The following NEDD4 variants were observed in gnomAD, a reference collection of about 807,000 sequenced individuals.
NEDD4 encodes the protein NEDD4 E3 ubiquitin protein ligase.
In NEDD4, 99 loss-of-function variants were observed where a neutral mutation model predicts 144.9. The ratio of observed to expected loss-of-function variants is 0.68; its 90% CI spans 0.58 to 0.81. The LOEUF (loss-of-function observed/expected upper bound fraction) is 0.81, where lower values mean the gene tolerates loss of function less well. Ranked by LOEUF, NEDD4 falls within the 30% of genes least tolerant of loss-of-function variation. NEDD4 has a pLI of 0.00. For synonymous variants in NEDD4, 318 were observed against 350.6 expected, an observed-to-expected ratio of 0.91 and a Z score of 1.04; for missense variants, 985 against 1,065.9, an observed-to-expected ratio of 0.92 and a Z score of 1.06.
At chr15:55,927,005 G>T (rs1183759868) in intron 4 of NEDD4, among the ~76,000 whole-genome samples, 3 of 150,046 alleles carry the variant, frequency 2.0e-5, no homozygotes, top group African/African-American at 4.9e-5. Context: ...GAACCTGGGG[G>T]ACAGAGGTTG....
chr15:55,983,292 G>A lies in NEDD4; in HGVS notation c.45+10219C>T, dbSNP rs1249705927. The stretch of plus-strand genomic sequence containing the variant: ...GTTGATGATGACGACAATGGTGTGT[G>A]TGTGTGTGCGTGCGCGCGCGTGCGT... On this transcript the variant is annotated intron_variant, in intron 1 of 28. Coordinates refer to ENST00000435532, the MANE Select transcript of NEDD4 (RefSeq NM_006154.4). Among the ~76,000 whole-genome samples, 6 of 146,794 alleles carry A rather than the reference G, an allele frequency of 4.1e-5. No homozygotes were observed. The Admixed American group carries it at 4.1e-4, about 10-fold the overall frequency.
chr15:55,960,655 C>G (rs1184302905), intron 2 of NEDD4, among the ~76,000 whole-genome samples: 1 of 150,050 alleles, frequency 6.7e-6, no homozygotes, highest in African/African-American at 2.5e-5. Flanking sequence ...CTACTAAATT[C>G]CCCTTCATAT....
At chr15:55,990,144 T>G (rs1243531889) in intron 1 of NEDD4, among the ~76,000 whole-genome samples, 3 of 151,836 alleles carry the variant, frequency 2.0e-5, no homozygotes, top group African/African-American at 7.3e-5. Flanking sequence ...TAATTCTACA[T>G]TACGGTGAGC....
chr15:55,915,868 C>T lies in NEDD4; in HGVS notation c.291+8778G>A, dbSNP rs139098949. 6.2e-6 allele frequency: 10 copies of T among 1,613,808 alleles called. No individual in the cohort carries two copies. The African/African-American group carries it at 1.3e-4, about 22-fold the overall frequency. ...TTAGATAACCGAAGTCCATTGACAG[C>T]TGTTGAAAGAAATCCTTTAGCACTA... On this transcript the variant is annotated intron_variant, in intron 5 of 28. Coordinates refer to ENST00000435532, the MANE Select transcript of NEDD4 (RefSeq NM_006154.4).
rs562486596 is a variant in NEDD4 at position 55,917,759 on chromosome 15, C to T, written c.291+6887G>A. Among the ~76,000 whole-genome samples, 9 of 151,892 alleles carry T rather than the reference C, an allele frequency of 5.9e-5. No individual in the cohort carries two copies. The East Asian group carries it at 1.7e-3, about 29-fold the overall frequency. ...CAAGTAGAACAGTCTTTAAATGATG[C>T]CATTTATATTTTGACTATTAAAACT... On this transcript the variant is annotated intron_variant, in intron 5 of 28. Coordinates refer to ENST00000435532, the MANE Select transcript of NEDD4 (RefSeq NM_006154.4).
intron 8 of NEDD4, among the ~76,000 whole-genome samples, chr15:55,867,450 G>A (rs758454377): frequency 5.3e-5 from 8 of 152,204 alleles, no homozygotes; most frequent in Non-Finnish European, 8.8e-5. Context: ...TATGATGCGT[G>A]CATGTGGGCA....
intron 5 of NEDD4, among the ~76,000 whole-genome samples, chr15:55,889,576 T>TAGTGGG (rs2035499282): frequency 1.3e-5 from 2 of 151,946 alleles, no homozygotes; most frequent in South Asian, 4.2e-4. Context: ...CTAACAAGGG[T>TAGTGGG]AGTGGGGTAG....
At position 55,951,537 on chromosome 15, in the gene NEDD4, T is replaced by C; in HGVS notation, c.172A>G (p.Ser58Gly). 6.5e-7 allele frequency: 1 copy of C among 1,532,620 alleles called. No homozygotes were observed. The highest frequency in any genetic ancestry group is 8.8e-7 in the Non-Finnish European group (1 of 1,141,056). 94.9% of individuals were successfully genotyped at this position (1,532,620 alleles called of 1,614,324 possible). ...TTTTTAATGGTTTTTGTTTGCACAC[T>C]TGTAAGAACTCCATTCATTGGGTCA... ...LYDPMNGVLTSVQTKTIKKSL... is the reference protein window; with the variant it reads ...LYDPMNGVLTGVQTKTIKKSL... Residue 58 changes from serine to glycine, a missense_variant, in exon 3 of 29, where the codon AGT becomes GGT. Ser to Gly is a moderately conservative substitution (Grantham distance 56, BLOSUM62 0). Transcript: ENST00000435532.
In NEDD4 at chr15:55,940,252, C is replaced by CA. The variant is rs1184860056; in HGVS notation, c.237+11123dup. 9.9e-5 allele frequency among the ~76,000 whole-genome samples: 15 copies of CA among 151,990 alleles called. 1 individual carries two copies. The South Asian group carries it at 2.5e-3, about 25-fold the overall frequency. On this transcript the variant is annotated intron_variant, in intron 4 of 28. Coordinates refer to ENST00000435532, the MANE Select transcript of NEDD4 (RefSeq NM_006154.4). ...GGGTACATATCAAGTGTTCTTACCA[C>CA]AAAAAAGGGGGTGATAGGAGGAAAC...
rs2033822468 is a variant in NEDD4 at position 55,848,052 on chromosome 15, CCT to C, written c.1542+318_1542+319del. On this transcript the variant is annotated intron_variant, in intron 17 of 28. Transcript: ENST00000435532. ...TCCTCATCCGCATACACTCTCTGCT[CCT>C]CTCTGATTTGTGGAGGACTGTCATC... Among the ~76,000 whole-genome samples, 3 of 152,316 alleles carry C rather than the reference CCT, an allele frequency of 2.0e-5. No homozygotes were observed. In the South Asian group the frequency reaches 6.2e-4, roughly 32 times the overall value.
intron 2 of NEDD4, among the ~76,000 whole-genome samples, chr15:55,960,997 C>A (rs142621799): frequency 1.3e-5 from 2 of 152,282 alleles, no homozygotes; most frequent in African/African-American, 4.8e-5. Context: ...TGTTGAGTTG[C>A]CTCCCGTGTC....
intron 4 of NEDD4, among the ~76,000 whole-genome samples, chr15:55,947,186 A>C (rs1425647426): frequency 2.0e-5 from 3 of 152,194 alleles, no homozygotes; most frequent in African/African-American, 7.2e-5. Context: ...AGAGAGACAT[A>C]AAAAACCCTT....
chr15:55,859,613 C>A (rs1421884123), intron 11 of NEDD4, among the ~76,000 whole-genome samples: 1 of 152,154 alleles, frequency 6.6e-6, no homozygotes, highest in South Asian at 2.1e-4. Flanking sequence ...ATGAGAATCG[C>A]CTGAAGCTGG....
At chr15:55,869,962 C>G (rs1370129332) in intron 7 of NEDD4, among the ~76,000 whole-genome samples, 1 of 152,014 alleles carries the variant, frequency 6.6e-6, no homozygotes, top group Non-Finnish European at 1.5e-5. Context: ...CAAAGAGAAG[C>G]TGGCCTTTGA....
chr15:55,840,316 G>A (rs1353338531), intron 21 of NEDD4, 131 bp downstream of exon 21: 3 of 838,822 alleles, frequency 3.6e-6, no homozygotes, highest in Admixed American at 3.3e-5. Context: ...AAAATGTTGA[G>A]GAAAAAGTTC....
intron 5 of NEDD4, among the ~76,000 whole-genome samples, chr15:55,906,332 C>T (rs536572292): frequency 8.7e-4 from 133 of 152,052 alleles, no homozygotes; most frequent in African/African-American, 2.9e-3. Context: ...CACATGGACA[C>T]GTATGTTTAT....
chr15:55,981,041 C>CT (rs752631416), intron 1 of NEDD4, among the ~76,000 whole-genome samples: 10,159 of 141,972 alleles, frequency 0.072, 421 homozygotes, highest in Middle Eastern at 0.098. Context: ...ATATTTTTTC[C>CT]TTTTTTTTTT....
At chr15:55,906,112 C>A (rs1339061791) in intron 5 of NEDD4, among the ~76,000 whole-genome samples, 2 of 152,074 alleles carry the variant, frequency 1.3e-5, no homozygotes, top group African/African-American at 4.8e-5. Flanking sequence ...GAATGGCGAT[C>A]ATTAAAAAGT....
At chr15:55,947,041 C>T (rs543873327) in intron 4 of NEDD4, among the ~76,000 whole-genome samples, 3 of 152,112 alleles carry the variant, frequency 2.0e-5, no homozygotes, top group South Asian at 2.1e-4. Flanking sequence ...ACTAAATGCC[C>T]ACAAGAGAAA....
Sources: allele counts gnomAD v4.1 joint callset (sites outside exome capture counted in the v4.1 genomes callset), GRCh38; gene constraint gnomAD v4.1.1; transcripts MANE v1.5; gene names NCBI Gene and HGNC (gene_info 2026-07-23, HGNC 2026-07-21).